LRP1B: variants seen among roughly 807,000 people sequenced by gnomAD.
The protein encoded by LRP1B is low-density lipoprotein receptor-related protein 1B.
A neutral mutation model predicts 556.6 loss-of-function variants in LRP1B; 217 were observed. That is an observed-to-expected ratio of 0.39 (90% CI 0.35 to 0.44). The LOEUF (loss-of-function observed/expected upper bound fraction) is 0.44, where lower values mean the gene tolerates loss of function less well. Ranked by LOEUF, LRP1B falls within the 20% of genes least tolerant of loss-of-function variation. LRP1B has a pLI of 1.00. For synonymous variants in LRP1B, 2,047 were observed against 1,865.8 expected, an observed-to-expected ratio of 1.10 and a Z score of -2.50; for missense variants, 5,053 against 5,620.8, an observed-to-expected ratio of 0.90 and a Z score of 3.23.
intron 51 of LRP1B, among the ~76,000 whole-genome samples, chr2:140,511,009 T>A (rs6430903): frequency 0.22 from 32,774 of 151,830 alleles, 3,701 homozygotes; most frequent in African/African-American, 0.25. Context: ...TTTTTTTTTT[T>A]AAATTTTACT....
chr2:141,259,103 C>T (rs552779146), intron 3 of LRP1B, among the ~76,000 whole-genome samples: 1 of 152,254 alleles, frequency 6.6e-6, no homozygotes, highest in South Asian at 2.1e-4. Context: ...GACATCAAGA[C>T]TTCTAGGCCA....
intron 1 of LRP1B, among the ~76,000 whole-genome samples, chr2:141,864,490 G>C (rs1698342696): frequency 6.6e-6 from 1 of 151,144 alleles, no homozygotes; most frequent in Non-Finnish European, 1.5e-5. Context: ...CTCAGCAACA[G>C]TGTTCAAACA....
At position 140,473,225 on chromosome 2, in the gene LRP1B, C is replaced by T. The variant is rs533286711; in HGVS notation, c.9625+1913G>A. On this transcript the variant is annotated intron_variant, in intron 60 of 90. Transcript: ENST00000389484. ...TTATTGGCCTGCGCTCAGATATTGG[C>T]AGGTGCCTGATAAGGCACTTAATGA... 1.1e-3 allele frequency among the ~76,000 whole-genome samples: 170 copies of T among 152,096 alleles called. 2 individuals are homozygous for T. The highest frequency in any genetic ancestry group is 2.1e-4 in the Non-Finnish European group (14 of 67,888).
At chr2:141,969,701 A>T (rs1701670786) in intron 1 of LRP1B, among the ~76,000 whole-genome samples, 1 of 151,680 alleles carries the variant, frequency 6.6e-6, no homozygotes, top group South Asian at 2.1e-4. Context: ...ATAGTGCTAC[A>T]ATGAACACTG....
intron 1 of LRP1B, among the ~76,000 whole-genome samples, chr2:141,973,114 A>G (rs1384666489): frequency 1.3e-5 from 2 of 151,586 alleles, no homozygotes; most frequent in Non-Finnish European, 3.0e-5. Context: ...GAAATAACAA[A>G]TTTATTTCCA....
intron 46 of LRP1B, among the ~76,000 whole-genome samples, chr2:140,534,730 C>G (rs968945376): frequency 1.2e-4 from 18 of 152,142 alleles, no homozygotes; most frequent in African/African-American, 4.3e-4. Flanking sequence ...GGGGCAGAAG[C>G]TACCACTTAC....
chr2:140,354,168 A>G (rs1293414195), intron 75 of LRP1B, among the ~76,000 whole-genome samples: 1 of 152,064 alleles, frequency 6.6e-6, no homozygotes, highest in Non-Finnish European at 1.5e-5. Context: ...TTTATCACTT[A>G]TAATCTCCTA....
At chr2:140,879,881 T>G (rs1004970558) in intron 25 of LRP1B, among the ~76,000 whole-genome samples, 2 of 151,592 alleles carry the variant, frequency 1.3e-5, no homozygotes, top group Non-Finnish European at 2.9e-5. Context: ...CTTGTAGCAT[T>G]ATAGGCATAA....
At position 140,899,094 on chromosome 2, in the gene LRP1B, G is replaced by A. The variant is rs555942838; in HGVS notation, c.3766+3826C>T. 6.0e-5 allele frequency: 14 copies of A among 235,222 alleles called. No individual in the cohort carries two copies. In the East Asian group the frequency reaches 8.1e-4, roughly 14 times the overall value. 14.6% of individuals were successfully genotyped at this position (235,222 alleles called of 1,614,324 possible). The stretch of plus-strand genomic sequence containing the variant: ...TCAATAAGTACATGGAGAGGTTCAT[G>A]GCCACCAAGAAGTTGCATGAAGTTC... On this transcript the variant is annotated intron_variant, in intron 23 of 90. Transcript: ENST00000389484.
intron 3 of LRP1B, among the ~76,000 whole-genome samples, chr2:141,420,506 G>GT (rs148186082): frequency 0.16 from 24,567 of 152,098 alleles, 2,129 homozygotes; most frequent in South Asian, 0.27. Context: ...CCAAAAGCTC[G>GT]TAAGTTTTTG....
rs558778727 is a variant in LRP1B at position 140,495,573 on chromosome 2, G to A, written c.9026C>T (p.Ser3009Leu). ...IQPDNPNGCKSLSDEEPFLIL... is the reference protein window; with the variant it reads ...IQPDNPNGCKLLSDEEPFLIL... ...CAAGTTCAATTCGATACCTGAGAGC[G>A]ATTTGCAGCCATTTGGGTTATCAGG... Residue 3009 changes from serine (S) to leucine (L), a missense_variant, in exon 56 of 91, where the codon TCG (serine) becomes TTG (leucine). By Grantham distance (145) the Ser-to-Leu change is moderately radical. This residue lies in a region of LRP1B where 3,619 missense variants were observed against 3,931.9 expected (regional missense o/e 0.92). Coordinates refer to ENST00000389484, the MANE Select transcript of LRP1B (RefSeq NM_018557.3). 69 of 1,581,522 alleles carry A rather than the reference G, an allele frequency of 4.4e-5. No homozygotes were observed. In the South Asian group the frequency reaches 6.7e-4, roughly 15 times the overall value.
Position 140,907,986 on chromosome 2 carries a change from T to C in LRP1B, c.3411A>G (p.Gly1137=), listed in dbSNP as rs1403325403. The C allele has an allele frequency of 1.2e-6, 2 of 1,613,172 alleles. No individual in the cohort carries two copies. Among genetic ancestry groups the C allele is most frequent in the African/African-American group, 1.3e-5 (1 of 74,852 alleles). ...DEDDCDSFLC[G]PPKHPCANDT... ...CATTAGCACAAGGATGCTTGGGTGG[T>C]CCACACAAGAAACTGTCACAGTCAT... Residue 1137 remains glycine (G), a synonymous_variant, in exon 22 of 91, where the codon GGA becomes GGG. Coordinates refer to ENST00000389484, the MANE Select transcript of LRP1B (RefSeq NM_018557.3).
rs890404431 is a variant in LRP1B at position 140,734,833 on chromosome 2, A to T, written c.5759-18017T>A. ...GCTTGATAGGTGACAGTGACTCTCCACCAGCCTTGCTAAAACTTTCTTGAA... is the reference window on the plus strand; with the variant it reads ...GCTTGATAGGTGACAGTGACTCTCCTCCAGCCTTGCTAAAACTTTCTTGAA... On this transcript the variant is annotated intron_variant, in intron 35 of 90. Coordinates refer to ENST00000389484, the MANE Select transcript of LRP1B (RefSeq NM_018557.3). Among the ~76,000 whole-genome samples the T allele has an allele frequency of 5.3e-5, 8 of 152,246 alleles. No individual in the cohort carries two copies. In the South Asian group the frequency reaches 1.0e-3, roughly 20 times the overall value.
At chr2:141,699,151 C>A (rs993037773) in intron 2 of LRP1B, among the ~76,000 whole-genome samples, 1 of 151,594 alleles carries the variant, frequency 6.6e-6, no homozygotes, top group East Asian at 1.9e-4. Flanking sequence ...TTAAAAAACC[C>A]AATATTTCCC....
chr2:140,714,370 G>A (rs906444315), intron 37 of LRP1B, among the ~76,000 whole-genome samples: 4 of 152,124 alleles, frequency 2.6e-5, no homozygotes, highest in African/African-American at 9.7e-5. Context: ...CTAGAGACAA[G>A]TAGGTGTAGT....
At chr2:141,380,017 T>C (rs992246973) in intron 3 of LRP1B, among the ~76,000 whole-genome samples, 1 of 152,158 alleles carries the variant, frequency 6.6e-6, no homozygotes, top group African/African-American at 2.4e-5. Flanking sequence ...ACACTTCCAG[T>C]TTCTCCTTGA....
chr2:141,851,481 T>C (rs1051007018), intron 1 of LRP1B, among the ~76,000 whole-genome samples: 1 of 151,788 alleles, frequency 6.6e-6, no homozygotes, highest in African/African-American at 2.4e-5. Flanking sequence ...TTCATGTAAA[T>C]AAGAAATTTA....
chr2:140,963,031 G>T (rs1696084130), intron 18 of LRP1B, among the ~76,000 whole-genome samples: 2 of 152,208 alleles, frequency 1.3e-5, no homozygotes, highest in Non-Finnish European at 2.9e-5. Context: ...GAAATATTTT[G>T]ACATCAATGA....
chr2:141,677,463 A>C (rs970379050), intron 2 of LRP1B, among the ~76,000 whole-genome samples: 1 of 152,140 alleles, frequency 6.6e-6, no homozygotes, highest in African/African-American at 2.4e-5. Context: ...TTTTACATTA[A>C]AAACACTTGA....
Sources: allele counts gnomAD v4.1 joint callset (sites outside exome capture counted in the v4.1 genomes callset), GRCh38; gene constraint gnomAD v4.1.1; regional missense constraint gnomAD v4.1.1; transcripts MANE v1.5; gene names NCBI Gene and HGNC (gene_info 2026-07-23, HGNC 2026-07-21).